The following CD2AP variants were observed in gnomAD, a reference collection of about 807,000 sequenced individuals.
The protein encoded by CD2AP is CD2 associated protein, also known as CD2-associated protein.
In CD2AP, 46 loss-of-function variants were observed where a neutral mutation model predicts 85.1. The ratio of observed to expected loss-of-function variants is 0.54; its 90% CI spans 0.43 to 0.69. The LOEUF is 0.69. CD2AP is among the 30% of genes least tolerant of loss of function. The pLI, the probability that CD2AP is intolerant of heterozygous loss-of-function variation, is 0.00. For missense variants in CD2AP, 769 were observed against 729.5 expected (o/e 1.05, Z -0.62); for synonymous variants, 255 against 252.9 (o/e 1.01, Z -0.08).
chr6:47,543,148 CAAAAAAAAAAAAAAAAAA>C (rs11338409), intron 3 of CD2AP, among the ~76,000 whole-genome samples: 1 of 60,322 alleles, frequency 1.7e-5, no homozygotes, highest in Non-Finnish European at 2.9e-5. Context: ...AAGACTGTCT[CAAAAAAAAAAAAAAAAAA>C]AAAAAAGAAA....
intron 17 of CD2AP, among the ~76,000 whole-genome samples, chr6:47,620,745 G>GT (rs1769719880): frequency 6.6e-6 from 1 of 152,068 alleles, no homozygotes; most frequent in African/African-American, 2.4e-5. Flanking sequence ...AGTTTTCCTT[G>GT]TAGAGGTCTT....
intron 13 of CD2AP, among the ~76,000 whole-genome samples, chr6:47,605,110 A>G (rs1769234443): frequency 6.6e-6 from 1 of 152,024 alleles, no homozygotes; most frequent in African/African-American, 2.4e-5. Flanking sequence ...TAAATATCTG[A>G]CAGAAAGTAT....
chr6:47,539,738 G>A (rs1767155933), intron 3 of CD2AP, among the ~76,000 whole-genome samples: 1 of 152,176 alleles, frequency 6.6e-6, no homozygotes, highest in Non-Finnish European at 1.5e-5. Context: ...GTACATGAAA[G>A]AAATGCAGTA....
At chr6:47,510,065 C>T (rs887209646) in intron 2 of CD2AP, among the ~76,000 whole-genome samples, 1 of 152,026 alleles carries the variant, frequency 6.6e-6, no homozygotes, top group African/African-American at 2.4e-5. Flanking sequence ...GAACTGCCTG[C>T]TAGCAGAGTA....
At position 47,577,273 on chromosome 6, in the gene CD2AP, A is replaced by G. The variant is rs778101485; in HGVS notation, c.903+170A>G. Among the ~76,000 whole-genome samples, 172 of 152,320 alleles carry G rather than the reference A, an allele frequency of 1.1e-3. 1 individual carries two copies. Among genetic ancestry groups the G allele is most frequent in the Middle Eastern group, 3.4e-3 (1 of 294 alleles). On this transcript the variant is annotated intron_variant, in intron 8 of 17. Coordinates refer to ENST00000359314, the MANE Select transcript of CD2AP (RefSeq NM_012120.3). ...ACTTGGCACGTAATAAGTGCTCAGAACGTTCTCTTTTTGAGCTAACTTTTA... is the reference window on the plus strand; with the variant it reads ...ACTTGGCACGTAATAAGTGCTCAGAGCGTTCTCTTTTTGAGCTAACTTTTA...
At chr6:47,554,397 C>T (rs1456698251) in intron 4 of CD2AP, among the ~76,000 whole-genome samples, 1 of 151,978 alleles carries the variant, frequency 6.6e-6, no homozygotes, top group African/African-American at 2.4e-5. Context: ...TCATAGATTG[C>T]GATTGATTAC....
chr6:47,478,711 AT>A (rs1765371729), intron 1 of CD2AP, among the ~76,000 whole-genome samples: 1 of 152,020 alleles, frequency 6.6e-6, no homozygotes, highest in Admixed American at 6.6e-5. Flanking sequence ...AGAGAGATAA[AT>A]TTGTTCAAAA....
Position 47,561,757 on chromosome 6 carries a change from T to C in CD2AP, c.541+6991T>C, listed in dbSNP as rs544412983. Among the ~76,000 whole-genome samples the C allele has an allele frequency of 9.8e-5, 15 of 152,328 alleles. No individual in the cohort carries two copies. In the South Asian group the frequency reaches 2.9e-3, roughly 29 times the overall value. ...CCATAGAAATGTGTGAAATGAGTAA[T>C]TGAGTTTGCTTTACATTTATTTATT... On this transcript the variant is annotated intron_variant, in intron 5 of 17. Coordinates refer to ENST00000359314, the MANE Select transcript of CD2AP (RefSeq NM_012120.3).
intron 11 of CD2AP, among the ~76,000 whole-genome samples, chr6:47,589,492 GCACATATATATACACATACGTATGTA>G (rs1768722172): frequency 7.1e-6 from 1 of 141,760 alleles, no homozygotes; most frequent in African/African-American, 2.6e-5. Flanking sequence ...ATATGTATGT[GCACATATATATACACATACGTATGTA>G]CACACATATA....
chr6:47,599,267 C>A (rs768186886), intron 12 of CD2AP, 34 bp from the exon 13 acceptor site: 1 of 1,593,146 alleles, frequency 6.3e-7, no homozygotes, highest in Non-Finnish European at 8.6e-7. Flanking sequence ...GTGTTTCATA[C>A]TAGTGATTTT....
chr6:47,548,148 A>G (rs1281422998), intron 4 of CD2AP, among the ~76,000 whole-genome samples: 1 of 152,174 alleles, frequency 6.6e-6, no homozygotes, highest in Admixed American at 6.5e-5. Context: ...AAGAAACGAG[A>G]AAAAGAAGAA....
Position 47,478,191 on chromosome 6 carries a change from T to C in CD2AP, c.-54T>C, listed in dbSNP as rs9349406. 10 of 1,506,150 alleles carry C rather than the reference T, an allele frequency of 6.6e-6. No homozygotes were observed. The highest frequency in any genetic ancestry group is 2.5e-5 in the East Asian group (1 of 40,292). 93.3% of individuals were successfully genotyped at this position (1,506,150 alleles called of 1,614,324 possible). On this transcript the variant is annotated 5_prime_UTR_variant, in exon 1 of 18. Coordinates refer to ENST00000359314, the MANE Select transcript of CD2AP (RefSeq NM_012120.3). ...CGGGAGCGGCCGCGCGAGCCACCAC[T>C]GGAGGAGGAGGAGGAGGAGCGGACG...
At chr6:47,566,581 C>CACACTTAT in intron 5 of CD2AP, among the ~76,000 whole-genome samples, 1 of 152,046 alleles carries the variant, frequency 6.6e-6, no homozygotes, top group South Asian at 2.1e-4. Flanking sequence ...GTGGTTCCTG[C>CACACTTAT]ACCTATCGAC....
chr6:47,492,977 C>G (rs1294040961), intron 1 of CD2AP, among the ~76,000 whole-genome samples: 1 of 152,148 alleles, frequency 6.6e-6, no homozygotes, highest in African/African-American at 2.4e-5. Flanking sequence ...AACACTGCAA[C>G]ACTTCATGTG....
chr6:47,548,934 CAG>C (rs1459312953), intron 4 of CD2AP, among the ~76,000 whole-genome samples: 6 of 152,008 alleles, frequency 3.9e-5, no homozygotes, highest in African/African-American at 9.7e-5. Context: ...GTCACATAAA[CAG>C]AATTAAAAAC....
chr6:47,567,501 T>C (rs1033097192), intron 5 of CD2AP, among the ~76,000 whole-genome samples: 2 of 152,092 alleles, frequency 1.3e-5, no homozygotes, highest in African/African-American at 2.4e-5. Context: ...TTTTTTTCCA[T>C]TGGGAAAGAA....
intron 2 of CD2AP, among the ~76,000 whole-genome samples, chr6:47,520,543 C>T (rs1489961887): frequency 6.6e-6 from 1 of 151,928 alleles, no homozygotes; most frequent in Non-Finnish European, 1.5e-5. Context: ...TTTGTTTTCA[C>T]CTAGTGTGGA....
intron 1 of CD2AP, among the ~76,000 whole-genome samples, chr6:47,495,457 G>A (rs114187355): frequency 1.3e-5 from 2 of 152,246 alleles, no homozygotes; most frequent in Admixed American, 6.5e-5. Flanking sequence ...TTGCCCTCTC[G>A]CCTCCCGAAA....
intron 2 of CD2AP, among the ~76,000 whole-genome samples, chr6:47,518,121 T>TA (rs1282325504): frequency 1.3e-5 from 2 of 152,176 alleles, no homozygotes; most frequent in Non-Finnish European, 2.9e-5. Context: ...CTGGGGTTGT[T>TA]ACAAAGGTTT....
Sources: gnomAD v4.1 joint callset for allele counts (sites outside exome capture counted in the v4.1 genomes callset) on GRCh38, gnomAD v4.1.1 for gene constraint, MANE v1.5 for transcripts, NCBI Gene and HGNC (gene_info 2026-07-23, HGNC 2026-07-21) for gene names.